Variants in ANK2 observed in about 807,000 individuals in gnomAD.
ANK2 encodes ankyrin-2.
A neutral mutation model predicts 360.5 loss-of-function variants in ANK2; 83 were observed. The ratio of observed to expected loss-of-function variants is 0.23; its 90% CI spans 0.19 to 0.28. The LOEUF is 0.28. Among genes scored for constraint, ANK2 ranks in the 10% least tolerant of loss-of-function variants. ANK2 has a pLI of 1.00. For synonymous variants in ANK2, 1,740 were observed against 1,759.5 expected (o/e 0.99, Z 0.28); for missense variants, 4,201 against 4,795.7 (o/e 0.88, Z 3.66).
At chr4:113,200,982 C>A (rs1279990616) in intron 4 of ANK2, among the ~76,000 whole-genome samples, 1 of 151,958 alleles carries the variant, frequency 6.6e-6, no homozygotes. Flanking sequence ...TACATGTACA[C>A]CCATGTAACA....
Position 113,354,342 on chromosome 4 carries a change from C to T in ANK2, c.5724C>T (p.Gly1908=). The T allele has an allele frequency of 6.2e-7, 1 of 1,613,992 alleles. No individual in the cohort carries two copies. Among genetic ancestry groups the T allele is most frequent in the Non-Finnish European group, 8.5e-7 (1 of 1,179,972 alleles). ...TERHPPVSPS[G]KTDKRPPVSP... is the part of the protein sequence containing the mutation. The stretch of plus-strand genomic sequence containing the variant: ...GACACCCACCTGTTTCGCCTTCAGG[C>T]AAAACAGACAAACGTCCACCTGTAT... Residue 1908 remains glycine (G), a synonymous_variant, in exon 38 of 46, where the codon GGC becomes GGT. Transcript: ENST00000357077.
intron 1 of ANK2, among the ~76,000 whole-genome samples, chr4:113,071,551 T>C (rs926209601): frequency 6.6e-6 from 1 of 152,198 alleles, no homozygotes; most frequent in African/African-American, 2.4e-5. Flanking sequence ...ATTTATTCTT[T>C]CCTTGATCAG....
chr4:112,944,150 CTTTCACT>C (rs2094412160), intron 2 of ANK2, among the ~76,000 whole-genome samples: 4 of 152,252 alleles, frequency 2.6e-5, no homozygotes, highest in African/African-American at 9.6e-5. Flanking sequence ...CTGGACAAGC[CTTTCACT>C]TATTGTTCCA....
chr4:113,341,932 T>A lies in ANK2; in HGVS notation c.4122+16T>A. On this transcript the variant is annotated intron_variant, in intron 33 of 45. Coordinates refer to ENST00000357077, the MANE Select transcript of ANK2 (RefSeq NM_001148.6). ...GGATGTGGAGGTACTGTACCAAAAA[T>A]AATAATAATAATTTATGCCATGTTG... 6.5e-7 allele frequency: 1 copy of A among 1,539,388 alleles called. No individual in the cohort carries two copies. Among genetic ancestry groups the A allele is most frequent in the Non-Finnish European group, 8.9e-7 (1 of 1,117,632 alleles).
intron 22 of ANK2, among the ~76,000 whole-genome samples, chr4:113,302,258 A>G (rs1034603366): frequency 2.6e-5 from 4 of 152,224 alleles, no homozygotes; most frequent in African/African-American, 9.6e-5. Flanking sequence ...GCCCAGTGAA[A>G]TATTAAAGAG....
chr4:113,161,237 C>A (rs113093146), intron 1 of ANK2, among the ~76,000 whole-genome samples: 1,761 of 152,266 alleles, frequency 0.012, 29 homozygotes, highest in African/African-American at 0.04. Flanking sequence ...CCTCAGAAGA[C>A]GTTCAGATAT....
intron 11 of ANK2, among the ~76,000 whole-genome samples, chr4:113,257,845 C>T (rs2050349134): frequency 6.6e-6 from 1 of 152,206 alleles, no homozygotes; most frequent in African/African-American, 2.4e-5. Flanking sequence ...AACAGAATTA[C>T]GTACAGGCCC....
chr4:113,353,511 A>G lies in ANK2; in HGVS notation c.4893A>G (p.Lys1631=), dbSNP rs1181639656. The G allele has an allele frequency of 6.2e-7, 1 of 1,614,116 alleles. No homozygotes were observed. The highest frequency in any genetic ancestry group is 1.1e-5 in the South Asian group (1 of 91,082). ...IDKEIKGKVE[K]DSTGLVNYLT... is the part of the protein sequence containing the mutation. ...AAGAGATCAAAGGAAAAGTAGAGAAAGACTCAACTGGGCTAGTGAACTACC... is the reference window on the plus strand; with the variant it reads ...AAGAGATCAAAGGAAAAGTAGAGAAGGACTCAACTGGGCTAGTGAACTACC... Residue 1631 remains lysine (K), a synonymous_variant, in exon 38 of 46, where the codon AAA becomes AAG. Transcript: ENST00000357077.
At chr4:112,888,333 C>T (rs2078994543) in intron 1 of ANK2, among the ~76,000 whole-genome samples, 1 of 152,082 alleles carries the variant, frequency 6.6e-6, no homozygotes, top group Non-Finnish European at 1.5e-5. Flanking sequence ...AAAATGACTT[C>T]TAGAAAGTTA....
At chr4:113,276,804 G>T (rs1563352332) in intron 15 of ANK2, among the ~76,000 whole-genome samples, 2 of 152,136 alleles carry the variant, frequency 1.3e-5, no homozygotes, top group Non-Finnish European at 2.9e-5. Context: ...CTTCTTGGGG[G>T]ATATTCTGTG....
chr4:113,099,290 C>G (rs1465565681), intron 1 of ANK2, among the ~76,000 whole-genome samples: 1 of 151,776 alleles, frequency 6.6e-6, no homozygotes, highest in Non-Finnish European at 1.5e-5. Flanking sequence ...CCTCTTGGAA[C>G]TAATATTGAT....
intron 33 of ANK2, 121 bp from the exon 34 acceptor site, chr4:113,342,896 T>G (rs1032455292): frequency 7.8e-7 from 1 of 1,279,206 alleles, no homozygotes; most frequent in Non-Finnish European, 1.1e-6. Flanking sequence ...GTTGTCAATT[T>G]AAAGATGGTT....
rs77143013 is a variant in ANK2, at chr4:113,088,382, T to G, written c.84+38570T>G. Reference sequence around the variant, plus strand: ...GGGGAGGTTTCAGCATTTTAGAATATACATGTCTATGCAAACAAAACATGA... The same window carrying G: ...GGGGAGGTTTCAGCATTTTAGAATAGACATGTCTATGCAAACAAAACATGA... On this transcript the variant is annotated intron_variant, in intron 1 of 45. Coordinates refer to ENST00000357077, the MANE Select transcript of ANK2 (RefSeq NM_001148.6). 9.5e-3 allele frequency among the ~76,000 whole-genome samples: 1,450 copies of G among 152,304 alleles called. 42 individuals are homozygous for G. In the East Asian group the frequency reaches 0.1, roughly 11 times the overall value.
intron 1 of ANK2, among the ~76,000 whole-genome samples, chr4:112,886,822 A>G (rs2078538300): frequency 6.6e-6 from 1 of 152,220 alleles, no homozygotes; most frequent in South Asian, 2.1e-4. Flanking sequence ...CAGAATCTCT[A>G]CCATGTTCAC....
chr4:112,810,144 TATATATATATA>T, the ANK2 span, among the ~76,000 whole-genome samples: 9 of 23,500 alleles, frequency 3.8e-4, no homozygotes, highest in African/African-American at 2.4e-3. Flanking sequence ...TATATATATA[TATATATATATA>T]TATATTTTTT....
chr4:113,287,466 C>A, intron 18 of ANK2, 139 bp from the exon 19 acceptor site: 1 of 724,196 alleles, frequency 1.4e-6, no homozygotes, highest in African/African-American at 1.8e-5. Context: ...CCTTGAATAT[C>A]AGAAGATATA....
chr4:113,074,550 C>A (rs1332462407), intron 1 of ANK2, among the ~76,000 whole-genome samples: 7 of 152,168 alleles, frequency 4.6e-5, no homozygotes, highest in Admixed American at 4.6e-4. Context: ...GTTTTAAAAT[C>A]ATTTATCTAT....
intron 1 of ANK2, among the ~76,000 whole-genome samples, chr4:112,888,628 C>A (rs1368983264): frequency 1.3e-5 from 2 of 151,984 alleles, no homozygotes; most frequent in Admixed American, 1.3e-4. Flanking sequence ...CTTCCACTCT[C>A]CCCCTGTCTA....
chr4:113,351,442 C>A (rs1050369134), intron 37 of ANK2, among the ~76,000 whole-genome samples: 11 of 152,202 alleles, frequency 7.2e-5, no homozygotes, highest in African/African-American at 2.6e-4. Context: ...TATAATTGAA[C>A]AAATTTGTAT....
Sources: allele counts gnomAD v4.1 joint callset (sites outside exome capture counted in the v4.1 genomes callset), GRCh38; gene constraint gnomAD v4.1.1; transcripts MANE v1.5; gene names NCBI Gene and HGNC (gene_info 2026-07-23, HGNC 2026-07-21).